The following GABRG3 variants were observed in gnomAD, a reference collection of about 807,000 sequenced individuals.
The protein encoded by GABRG3 is gamma-aminobutyric acid receptor subunit gamma-3.
Under a neutral mutation model 48.8 loss-of-function variants are expected in GABRG3, and 25 were observed. The ratio of observed to expected loss-of-function variants is 0.51; its 90% CI spans 0.37 to 0.72. The LOEUF (loss-of-function observed/expected upper bound fraction) is 0.72, where lower values mean the gene tolerates loss of function less well. GABRG3 is among the 30% of genes least tolerant of loss of function. The pLI, the probability that GABRG3 is intolerant of heterozygous loss-of-function variation, is 0.00. For synonymous variants in GABRG3, 227 were observed against 217.6 expected (o/e 1.04, Z -0.38); for missense variants, 394 against 577.9 (o/e 0.68, Z 3.26).
At chr15:27,144,063 C>T (rs1209248371) in intron 3 of GABRG3, among the ~76,000 whole-genome samples, 1 of 152,188 alleles carries the variant, frequency 6.6e-6, no homozygotes, top group Non-Finnish European at 1.5e-5. Context: ...ATAGTAGAGT[C>T]AGGACCCCCA....
intron 5 of GABRG3, chr15:27,363,676 G>A (rs557739751): frequency 3.9e-5 from 6 of 152,332 alleles, no homozygotes; most frequent in Non-Finnish European, 8.8e-5. Flanking sequence ...AGTCAGGCAA[G>A]TCTATATCCA....
rs949895401 is a variant in GABRG3 at position 27,122,090 on chromosome 15, T to C, written c.270+95269T>C. 7.9e-5 allele frequency among the ~76,000 whole-genome samples: 12 copies of C among 152,280 alleles called. 1 individual carries two copies. The highest frequency in any genetic ancestry group is 7.2e-4 in the Admixed American group (11 of 15,290). ...GTCAAAATAATTGTACATTTTAAAA[T>C]AACTAAAAGAGTGTAATTGGATTGT... On this transcript the variant is annotated intron_variant, in intron 3 of 9. Coordinates refer to ENST00000615808, the MANE Select transcript of GABRG3 (RefSeq NM_033223.5).
intron 5 of GABRG3, among the ~76,000 whole-genome samples, chr15:27,436,175 G>T (rs1204083066): frequency 6.6e-6 from 1 of 152,164 alleles, no homozygotes; most frequent in African/African-American, 2.4e-5. Context: ...CAAGATCAAG[G>T]CACTAGCAGA....
At chr15:27,350,149 G>A in intron 5 of GABRG3, 3 of 455,904 alleles carry the variant, frequency 6.6e-6, no homozygotes, top group South Asian at 4.6e-5. Context: ...CCTTCAGATT[G>A]TCTCTTCATG....
intron 3 of GABRG3, among the ~76,000 whole-genome samples, chr15:27,040,322 C>T (rs1269631385): frequency 1.3e-5 from 2 of 152,186 alleles, no homozygotes; most frequent in Non-Finnish European, 2.9e-5. Context: ...AATGGCTGGT[C>T]GTTGCAAGCA....
chr15:27,092,719 T>C (rs1203094398), intron 3 of GABRG3, among the ~76,000 whole-genome samples: 1 of 152,208 alleles, frequency 6.6e-6, no homozygotes, highest in Non-Finnish European at 1.5e-5. Flanking sequence ...CAAGTTGAAT[T>C]ACAGAGTTTT....
At chr15:27,340,238 G>A (rs897949697) in intron 5 of GABRG3, among the ~76,000 whole-genome samples, 1 of 152,144 alleles carries the variant, frequency 6.6e-6, no homozygotes, top group African/African-American at 2.4e-5. Flanking sequence ...GCAGGAGCGG[G>A]TGCGAGGGAT....
chr15:27,049,673 T>C (rs1255842721), intron 3 of GABRG3, among the ~76,000 whole-genome samples: 1 of 152,222 alleles, frequency 6.6e-6, no homozygotes, highest in African/African-American at 2.4e-5. Flanking sequence ...ATCAAATATA[T>C]TTAAGAATTA....
chr15:27,199,379 C>T (rs996654509), intron 3 of GABRG3, among the ~76,000 whole-genome samples: 3 of 152,058 alleles, frequency 2.0e-5, no homozygotes, highest in African/African-American at 7.2e-5. Flanking sequence ...GGAGTATGAG[C>T]GAAAGAGAAT....
intron 5 of GABRG3, among the ~76,000 whole-genome samples, chr15:27,367,261 A>G (rs1158923402): frequency 1.3e-5 from 2 of 152,122 alleles, no homozygotes; most frequent in Non-Finnish European, 1.5e-5. Flanking sequence ...TGTCCTAGAT[A>G]TTTATTTTAA....
rs141872785 is a variant in GABRG3, at chr15:27,046,032, G to A, written c.270+19211G>A. 9.7e-3 allele frequency among the ~76,000 whole-genome samples: 1,481 copies of A among 152,308 alleles called. 24 individuals are homozygous for A. The highest frequency in any genetic ancestry group is 0.034 in the African/African-American group (1,404 of 41,578). On this transcript the variant is annotated intron_variant, in intron 3 of 9. Transcript: ENST00000615808. ...CTCCGAGTTCCGAGGGAAGCGTCACGGAAGTGTGAAGGGCGAGGGAAGGGA... is the reference window on the plus strand; with the variant it reads ...CTCCGAGTTCCGAGGGAAGCGTCACAGAAGTGTGAAGGGCGAGGGAAGGGA...
At chr15:27,217,085 C>T (rs6606887) in intron 3 of GABRG3, among the ~76,000 whole-genome samples, 94,574 of 148,042 alleles carry the variant, frequency 0.64, 30,782 homozygotes, top group East Asian at 0.89. Flanking sequence ...ATTTCATCCA[C>T]GTCCCTACAA....
intron 6 of GABRG3, among the ~76,000 whole-genome samples, chr15:27,518,168 T>G (rs1891067911): frequency 8.0e-6 from 1 of 124,808 alleles, no homozygotes; most frequent in South Asian, 2.4e-4. Context: ...ATGATCAACA[T>G]GTGAAACCCC....
At chr15:27,256,312 G>A (rs1404966814) in intron 3 of GABRG3, among the ~76,000 whole-genome samples, 2 of 152,118 alleles carry the variant, frequency 1.3e-5, no homozygotes, top group East Asian at 1.9e-4. Flanking sequence ...GCGATGGAGG[G>A]CGCCTGTAGG....
At chr15:27,069,101 G>A (rs1294323478) in intron 3 of GABRG3, among the ~76,000 whole-genome samples, 1 of 152,200 alleles carries the variant, frequency 6.6e-6, no homozygotes, top group Non-Finnish European at 1.5e-5. Context: ...CCTCGTTCTT[G>A]TTTTGTCAGC....
chr15:27,018,647 A>G (rs1895823127), intron 2 of GABRG3, among the ~76,000 whole-genome samples: 2 of 152,162 alleles, frequency 1.3e-5, no homozygotes, highest in African/African-American at 4.8e-5. Context: ...TGTAAACCTT[A>G]TATTTAAGGG....
intron 3 of GABRG3, among the ~76,000 whole-genome samples, chr15:27,306,405 A>C (rs1427155412): frequency 1.1e-4 from 16 of 140,632 alleles, no homozygotes; most frequent in Non-Finnish European, 1.7e-4. Flanking sequence ...CATATATATA[A>C]TATAAACATG....
Position 27,031,630 on chromosome 15 carries a change from A to G in GABRG3, c.270+4809A>G, listed in dbSNP as rs116784844. 6.8e-3 allele frequency among the ~76,000 whole-genome samples: 1,028 copies of G among 152,274 alleles called. 11 individuals carry two copies. The highest frequency in any genetic ancestry group is 0.024 in the African/African-American group (978 of 41,546). On this transcript the variant is annotated intron_variant, in intron 3 of 9. Transcript: ENST00000615808. The stretch of plus-strand genomic sequence containing the variant: ...TATGATAGATCACCTACACATTTAA[A>G]ACTGAAAAGATGACATGCAGCCAGA...
Position 27,519,975 on chromosome 15 carries a change from A to T in GABRG3, c.716A>T (p.Asp239Val), listed in dbSNP as rs888358146. 5 of 1,527,962 alleles carry T rather than the reference A, an allele frequency of 3.3e-6. No homozygotes were observed. The highest frequency in any genetic ancestry group is 4.4e-6 in the Non-Finnish European group (5 of 1,137,766). The allele number at this position is 1,527,962 out of a possible 1,614,324, so 94.7% of individuals were successfully genotyped here. Residue 239 changes from aspartate to valine, a missense_variant, in exon 7 of 10, where the codon GAT becomes GTT. This residue lies in a region of GABRG3 where 218 missense variants were observed against 309.9 expected (regional missense o/e 0.70). Transcript: ENST00000615808. Reference sequence around the variant, plus strand: ...TTTTGACAATATTTTATTACAGGTGATTATGTTGTCATGACTATATATTTT... The same window carrying T: ...TTTTGACAATATTTTATTACAGGTGTTTATGTTGTCATGACTATATATTTT... ...TTEIVTTSAG[D>V]YVVMTIYFEL...
Sources: allele counts gnomAD v4.1 joint callset (sites outside exome capture counted in the v4.1 genomes callset), GRCh38; gene constraint gnomAD v4.1.1; regional missense constraint gnomAD v4.1.1; transcripts MANE v1.5; gene names NCBI Gene and HGNC (gene_info 2026-07-23, HGNC 2026-07-21).